The following SORCS2 variants were observed in gnomAD, a reference collection of about 807,000 sequenced individuals.
SORCS2 encodes the protein sortilin related VPS10 domain containing receptor 2.
A neutral mutation model predicts 141.6 loss-of-function variants in SORCS2; 100 were observed. The observed-to-expected ratio is 0.71, with a 90% CI of 0.60 to 0.83. SORCS2 has a LOEUF of 0.83. SORCS2 is among the 40% of genes least tolerant of loss of function. The pLI is 0.00. For synonymous variants in SORCS2, 789 were observed against 676.9 expected (o/e 1.17, Z -2.57); for missense variants, 1,646 against 1,560.2 (o/e 1.05, Z -0.93).
chr4:7,629,671 C>T (rs745411526), intron 3 of SORCS2, among the ~76,000 whole-genome samples: 3 of 151,976 alleles, frequency 2.0e-5, no homozygotes, highest in Non-Finnish European at 4.4e-5. Context: ...TCCTTTCCGG[C>T]ACCCCCAGCC....
intron 1 of SORCS2, among the ~76,000 whole-genome samples, chr4:7,377,778 C>A (rs4689110): frequency 0.16 from 24,252 of 152,126 alleles, 2,481 homozygotes; most frequent in Middle Eastern, 0.26. Flanking sequence ...TGTTTTATAA[C>A]AAGTCGGGCC....
intron 1 of SORCS2, among the ~76,000 whole-genome samples, chr4:7,245,936 T>A (rs1010551118): frequency 3.3e-5 from 5 of 152,174 alleles, no homozygotes; most frequent in Admixed American, 6.5e-5. Context: ...GTAAATGCAA[T>A]GTTGCATGTC....
chr4:7,724,039 A>G (rs560337449), intron 19 of SORCS2, among the ~76,000 whole-genome samples, 156 bp downstream of exon 19: 5 of 152,202 alleles, frequency 3.3e-5, no homozygotes, highest in African/African-American at 9.6e-5. Flanking sequence ...CTGGGCTCAA[A>G]CCCGCACCCC....
At chr4:7,455,656 G>A (rs906898595) in intron 2 of SORCS2, among the ~76,000 whole-genome samples, 33 of 149,428 alleles carry the variant, frequency 2.2e-4, no homozygotes, top group African/African-American at 7.9e-4. Flanking sequence ...GTCAGGCTTC[G>A]TGTTGGGGTC....
chr4:7,316,413 T>A lies in SORCS2; in HGVS notation c.481-79875T>A, dbSNP rs1203133768. 6.6e-5 allele frequency among the ~76,000 whole-genome samples: 10 copies of A among 152,326 alleles called. No individual in the cohort carries two copies. In the South Asian group the frequency reaches 8.3e-4, roughly 13 times the overall value. On this transcript the variant is annotated intron_variant, in intron 1 of 26. Transcript: ENST00000507866. ...ATTCCATGAACTTCCATTGACAATC[T>A]TCTATATGCCAGTTTAGCCTCAGCC... is the stretch of plus-strand genomic sequence containing the variant.
rs143771156 is a variant in SORCS2, at chr4:7,293,834, G to A, written c.480+100708G>A. Among the ~76,000 whole-genome samples, 115 of 152,276 alleles carry A rather than the reference G, an allele frequency of 7.6e-4. 1 individual carries two copies. Among genetic ancestry groups the A allele is most frequent in the Non-Finnish European group, 7.2e-4 (49 of 68,028 alleles). On this transcript the variant is annotated intron_variant, in intron 1 of 26. Coordinates refer to ENST00000507866, the MANE Select transcript of SORCS2 (RefSeq NM_020777.3). ...CTGCATTGGCTTCTTCCAAATTAGC[G>A]TCTCTCTTTCATTAGTGCTTTTGGT...
intron 2 of SORCS2, among the ~76,000 whole-genome samples, chr4:7,421,789 A>G (rs539975709): frequency 1.7e-3 from 261 of 151,408 alleles, no homozygotes; most frequent in Admixed American, 5.5e-3. Context: ...GGCCTCCTCC[A>G]GTCTGGAGGG....
intron 25 of SORCS2, chr4:7,735,429 G>C (rs1712089731): frequency 6.5e-6 from 1 of 154,442 alleles, no homozygotes; most frequent in African/African-American, 2.4e-5. Context: ...CCACAGGCTG[G>C]CCCAGGCTCT....
rs528875009 is a variant in SORCS2, at chr4:7,329,358, C to T, written c.481-66930C>T. On this transcript the variant is annotated intron_variant, in intron 1 of 26. Transcript: ENST00000507866. ...GAGGAGCTTCAGGCAGAGCAAACGT[C>T]GTAAAAGAAGACTCTTCCCACCCAT... is the stretch of plus-strand genomic sequence containing the variant. Among the ~76,000 whole-genome samples, 12 of 152,332 alleles carry T rather than the reference C, an allele frequency of 7.9e-5. No individual in the cohort carries two copies. In the South Asian group the frequency reaches 1.4e-3, roughly 18 times the overall value.
At chr4:7,473,288 T>G (rs1560313747) in intron 2 of SORCS2, among the ~76,000 whole-genome samples, 1 of 151,938 alleles carries the variant, frequency 6.6e-6, no homozygotes, top group Admixed American at 6.6e-5. Context: ...CGGGAGGGGC[T>G]GAGAGGAGAG....
chr4:7,584,416 T>C (rs1430697702), intron 3 of SORCS2, among the ~76,000 whole-genome samples: 5 of 152,174 alleles, frequency 3.3e-5, no homozygotes. Context: ...CATGATGGGC[T>C]GAAGGCACAG....
intron 8 of SORCS2, among the ~76,000 whole-genome samples, chr4:7,672,168 C>A (rs1032563315): frequency 6.6e-6 from 1 of 152,146 alleles, no homozygotes; most frequent in Non-Finnish European, 1.5e-5. Flanking sequence ...GTCTAGAACT[C>A]CTGACCTCAA....
In SORCS2 at chr4:7,413,391, CTTT is replaced by C. The variant is rs34379092; in HGVS notation, c.548+17054_548+17056del. On this transcript the variant is annotated intron_variant, in intron 2 of 26. Transcript: ENST00000507866. ...ATGATCCTCCGTATTTTCACAGCTG[CTTT>C]TTTTTTTTTTTTTTTTTGAGATAGA... Among the ~76,000 whole-genome samples, 14 of 84,822 alleles carry C rather than the reference CTTT, an allele frequency of 1.7e-4. 1 individual carries two copies. The highest frequency in any genetic ancestry group is 9.7e-4 in the Admixed American group (6 of 6,154). 55.6% of individuals were successfully genotyped at this position (84,822 alleles called of 152,430 possible).
At chr4:7,719,492 G>A (rs1726429713) in intron 18 of SORCS2, among the ~76,000 whole-genome samples, 1 of 152,228 alleles carries the variant, frequency 6.6e-6, no homozygotes, top group South Asian at 2.1e-4. Context: ...CTGGCCCCTA[G>A]ACTCTACGTG....
At chr4:7,687,098 C>G (rs1208641426) in intron 10 of SORCS2, among the ~76,000 whole-genome samples, 3 of 152,182 alleles carry the variant, frequency 2.0e-5, no homozygotes, top group Admixed American at 2.0e-4. Context: ...CACAGCTCAT[C>G]GGGGGAACGG....
At chr4:7,409,364 T>C (rs868091333) in intron 2 of SORCS2, among the ~76,000 whole-genome samples, 2 of 152,138 alleles carry the variant, frequency 1.3e-5, no homozygotes, top group African/African-American at 2.4e-5. Flanking sequence ...ATGGCAGCCA[T>C]GGGTTCATGC....
At chr4:7,619,409 TC>T (rs966513764) in intron 3 of SORCS2, among the ~76,000 whole-genome samples, 1 of 152,070 alleles carries the variant, frequency 6.6e-6, no homozygotes, top group Admixed American at 6.5e-5. Context: ...GAGCGTGGCT[TC>T]CCCAGACATT....
intron 1 of SORCS2, among the ~76,000 whole-genome samples, chr4:7,223,586 A>C (rs924854506): frequency 6.6e-6 from 1 of 152,150 alleles, no homozygotes; most frequent in Non-Finnish European, 1.5e-5. Context: ...ATGAAGTCAC[A>C]AGGTCAAAAG....
At chr4:7,655,202 T>TGTACACACACACACACACACAC (rs539590139) in intron 5 of SORCS2, among the ~76,000 whole-genome samples, 30 of 148,876 alleles carry the variant, frequency 2.0e-4, no homozygotes, top group African/African-American at 5.7e-4. Context: ...CTTGTGCGTG[T>TGTACACACACACACACACACAC]ACACACACAC....
Sources: gnomAD v4.1 joint callset for allele counts (sites outside exome capture counted in the v4.1 genomes callset) on GRCh38, gnomAD v4.1.1 for gene constraint, MANE v1.5 for transcripts, NCBI Gene and HGNC (gene_info 2026-07-23, HGNC 2026-07-21) for gene names.